The following ACOXL variants were observed in gnomAD, a reference collection of about 807,000 sequenced individuals.
ACOXL encodes the protein acyl-CoA oxidase like.
ACOXL carries 70 observed loss-of-function variants against 71.9 expected under a neutral mutation model. The observed-to-expected ratio is 0.97, with a 90% CI of 0.80 to 1.19. ACOXL has a LOEUF of 1.19. Among genes scored for constraint, ACOXL ranks in the 50% most tolerant of loss-of-function variants. ACOXL has a pLI of 0.00. For synonymous variants in ACOXL, 253 were observed against 281.6 expected, an observed-to-expected ratio of 0.90 and a Z score of 1.02; for missense variants, 703 against 736.3, an observed-to-expected ratio of 0.95 and a Z score of 0.52.
chr2:110,848,596 C>CGGG (rs1308477534), intron 10 of ACOXL, among the ~76,000 whole-genome samples: 1 of 152,166 alleles, frequency 6.6e-6, no homozygotes, highest in African/African-American at 2.4e-5. Context: ...AAATGCCCTT[C>CGGG]GGGGTCCAGA....
chr2:110,864,653 C>T (rs1237329143), intron 10 of ACOXL, among the ~76,000 whole-genome samples: 2 of 152,238 alleles, frequency 1.3e-5, no homozygotes, highest in African/African-American at 2.4e-5. Flanking sequence ...CCATGACGGT[C>T]TCTCCCAAGA....
At chr2:110,926,562 GAAT>G (rs1418304193) in intron 11 of ACOXL, among the ~76,000 whole-genome samples, 1 of 152,124 alleles carries the variant, frequency 6.6e-6, no homozygotes, top group East Asian at 1.9e-4. Flanking sequence ...TATAACATAG[GAAT>G]AATAATATCT....
chr2:110,815,402 A>G (rs1687801720), intron 9 of ACOXL, among the ~76,000 whole-genome samples: 1 of 152,198 alleles, frequency 6.6e-6, no homozygotes, highest in Admixed American at 6.5e-5. Context: ...AATCTATTTC[A>G]TATTCTCCTT....
intron 14 of ACOXL, among the ~76,000 whole-genome samples, chr2:111,006,294 C>G (rs2063868819): frequency 6.6e-6 from 1 of 152,188 alleles, no homozygotes; most frequent in Admixed American, 6.5e-5. Flanking sequence ...GAAACATATT[C>G]CCATTACTCA....
At chr2:110,786,870 G>A (rs932510481) in intron 3 of ACOXL, among the ~76,000 whole-genome samples, 1 of 152,228 alleles carries the variant, frequency 6.6e-6, no homozygotes, top group Non-Finnish European at 1.5e-5. Flanking sequence ...TTATGTATCA[G>A]TTGGGGAAAT....
chr2:110,801,607 A>G (rs1686005150), intron 7 of ACOXL, 45 bp from the exon 8 acceptor site: 1 of 1,559,952 alleles, frequency 6.4e-7, no homozygotes, highest in Non-Finnish European at 8.8e-7. Flanking sequence ...TAGCAGGGAA[A>G]ATACTTCTGA....
intron 15 of ACOXL, among the ~76,000 whole-genome samples, chr2:111,035,416 T>TA (rs1205137719): frequency 6.6e-6 from 1 of 152,264 alleles, no homozygotes; most frequent in Non-Finnish European, 1.5e-5. Flanking sequence ...AGTGCAGCTC[T>TA]GAAGCCTTGG....
At chr2:110,782,733 T>A (rs1465394539) in intron 2 of ACOXL, among the ~76,000 whole-genome samples, 1 of 152,220 alleles carries the variant, frequency 6.6e-6, no homozygotes, top group Non-Finnish European at 1.5e-5. Context: ...GTCATACTCC[T>A]GCACTGACAG....
intron 9 of ACOXL, among the ~76,000 whole-genome samples, chr2:110,810,043 A>C (rs1687123280): frequency 6.6e-6 from 1 of 152,156 alleles, no homozygotes; most frequent in Non-Finnish European, 1.5e-5. Context: ...TGTCTGGTTC[A>C]GCTACTGGCT....
rs201804460 is a variant in ACOXL at position 110,750,701 on chromosome 2, A to G, written c.-22-17667A>G. On this transcript the variant is annotated intron_variant, in intron 1 of 17. Transcript: ENST00000439055. ...TGTGTGTGTATATATATATATATGT[A>G]TAATTTTTTTTTTGAGACAGGATCT... Among the ~76,000 whole-genome samples the G allele has an allele frequency of 3.3e-5, 5 of 150,564 alleles. No homozygotes were observed. The East Asian group carries it at 9.7e-4, about 29-fold the overall frequency.
At chr2:111,101,902 A>G (rs1447062612) in intron 17 of ACOXL, 1 of 152,662 alleles carries the variant, frequency 6.6e-6, no homozygotes, top group Admixed American at 6.5e-5. Flanking sequence ...CATACCGGAA[A>G]TGCAACTGGG....
chr2:110,755,930 G>A (rs1484554464), intron 1 of ACOXL, among the ~76,000 whole-genome samples: 1 of 152,042 alleles, frequency 6.6e-6, no homozygotes, highest in African/African-American at 2.4e-5. Context: ...ACACATGCAA[G>A]CAATATGTGT....
At chr2:110,917,962 C>T (rs940851622) in intron 11 of ACOXL, among the ~76,000 whole-genome samples, 11 of 152,214 alleles carry the variant, frequency 7.2e-5, no homozygotes, top group Admixed American at 2.6e-4. Context: ...ATCAATTTGT[C>T]GTGAAAATGG....
chr2:110,740,063 A>G (rs1396756389), intron 1 of ACOXL, among the ~76,000 whole-genome samples: 1 of 152,206 alleles, frequency 6.6e-6, no homozygotes, highest in Non-Finnish European at 1.5e-5. Flanking sequence ...ACCAAATTTA[A>G]TTATGCCATG....
At chr2:111,112,588 C>A (rs2070061173) in intron 17 of ACOXL, among the ~76,000 whole-genome samples, 1 of 152,242 alleles carries the variant, frequency 6.6e-6, no homozygotes, top group African/African-American at 2.4e-5. Context: ...AGGAGATAAG[C>A]CAGGCCAAGG....
chr2:111,044,703 T>C (rs1294940481), intron 15 of ACOXL, among the ~76,000 whole-genome samples: 1 of 152,224 alleles, frequency 6.6e-6, no homozygotes, highest in Non-Finnish European at 1.5e-5. Flanking sequence ...CAGCATATTA[T>C]AATGAAATTT....
intron 15 of ACOXL, among the ~76,000 whole-genome samples, chr2:111,033,793 CAG>C (rs3838224): frequency 0.063 from 9,525 of 152,222 alleles, 402 homozygotes; most frequent in East Asian, 0.22. Flanking sequence ...GCTTCACTCT[CAG>C]GGGTGGTGTG....
chr2:110,900,938 G>A (rs1218493156), intron 10 of ACOXL, among the ~76,000 whole-genome samples: 2 of 152,206 alleles, frequency 1.3e-5, no homozygotes, highest in African/African-American at 2.4e-5. Context: ...ATCCTGGGTG[G>A]TGTTGTCTCC....
intron 10 of ACOXL, among the ~76,000 whole-genome samples, chr2:110,892,006 A>C (rs926765836): frequency 6.6e-6 from 1 of 152,010 alleles, no homozygotes; most frequent in South Asian, 2.1e-4. Flanking sequence ...TTACACAAAA[A>C]CTCAGATGAC....
Sources: gnomAD v4.1 joint callset for allele counts (sites outside exome capture counted in the v4.1 genomes callset) on GRCh38, gnomAD v4.1.1 for gene constraint, MANE v1.5 for transcripts, NCBI Gene and HGNC (gene_info 2026-07-23, HGNC 2026-07-21) for gene names.